The following CUL9 variants were observed in gnomAD, a reference collection of about 807,000 sequenced individuals.
CUL9 encodes the protein cullin-9.
In CUL9, 79 loss-of-function variants were observed where a neutral mutation model predicts 272.6. That is an observed-to-expected ratio of 0.29 (90% CI 0.24 to 0.35). CUL9 has a LOEUF of 0.35. Ranked by LOEUF, CUL9 falls within the 10% of genes least tolerant of loss-of-function variation. The probability of loss-of-function intolerance (pLI) is 1.00; values close to 1 mark genes in which losing one functional copy is unlikely to be tolerated. For synonymous variants in CUL9, 1,186 were observed against 1,286.5 expected (o/e 0.92, Z 1.67); for missense variants, 2,532 against 3,255.6 (o/e 0.78, Z 5.41).
chr6:43,209,056 G>A (rs564053426), intron 26 of CUL9, among the ~76,000 whole-genome samples: 1 of 151,510 alleles, frequency 6.6e-6, no homozygotes, highest in Admixed American at 6.6e-5. Context: ...GGCTGTTCTC[G>A]AACTCCTGCC....
intron 24 of CUL9, 36 bp downstream of exon 24, chr6:43,205,459 C>T: frequency 3.1e-6 from 5 of 1,599,658 alleles, no homozygotes; most frequent in Non-Finnish European, 4.3e-6. Context: ...GGATGGGAGG[C>T]CTAGATCTAG....
chr6:43,208,141 T>G (rs1367527516), intron 26 of CUL9, among the ~76,000 whole-genome samples: 2 of 152,240 alleles, frequency 1.3e-5, no homozygotes, highest in Non-Finnish European at 2.9e-5. Flanking sequence ...GGCAATTAAG[T>G]ACTTGGAATG....
At chr6:43,212,357 A>G (rs1775579917) in intron 26 of CUL9, among the ~76,000 whole-genome samples, 1 of 152,180 alleles carries the variant, frequency 6.6e-6, no homozygotes, top group South Asian at 2.1e-4. Flanking sequence ...GCTTAGGTCT[A>G]TCATTTCATT....
chr6:43,204,733 CCT>C lies in CUL9; in HGVS notation c.4340-12_4340-11del, dbSNP rs781297528. ...GCTGAGATGAAACCCCTTCCTTCTC[CCT>C]CTGTCTCTACAGTCAGCAAGAACAG... On this transcript the variant is annotated splice_polypyrimidine_tract_variant and intron_variant, in intron 21 of 40. Coordinates refer to ENST00000252050, the MANE Select transcript of CUL9 (RefSeq NM_015089.4). The C allele has an allele frequency of 1.2e-6, 2 of 1,613,348 alleles. No individual in the cohort carries two copies. The highest frequency in any genetic ancestry group is 1.7e-6 in the Non-Finnish European group (2 of 1,179,556).
intron 26 of CUL9, among the ~76,000 whole-genome samples, chr6:43,208,869 G>A (rs911775176): frequency 4.6e-5 from 7 of 152,014 alleles, no homozygotes; most frequent in African/African-American, 1.7e-4. Flanking sequence ...GAGAGGGGGT[G>A]TCACTCTGTC....
Position 43,188,559 on chromosome 6 carries a change from G to C in CUL9, c.2024G>C (p.Ser675Thr). ...GCCTTGCGGGGTCCCGGTCCTCGCA[G>C]CTCCCTGGATCAGCATGTGGCAGCG... ...ARALRGPGPR[S>T]SLDQHVAAVV... Residue 675 changes from serine to threonine, a missense_variant, in exon 8 of 41, where the codon AGC becomes ACC. By Grantham distance (58) the Ser-to-Thr change is moderately conservative (BLOSUM62 1). Around this residue, in one of 3 missense-constraint regions of CUL9, gnomAD observed 2,218 missense variants for 2,788.6 expected, o/e 0.80. Coordinates refer to ENST00000252050, the MANE Select transcript of CUL9 (RefSeq NM_015089.4). 1 of 1,613,442 alleles carries C rather than the reference G, an allele frequency of 6.2e-7. No homozygotes were observed. The highest frequency in any genetic ancestry group is 8.5e-7 in the Non-Finnish European group (1 of 1,179,734).
At chr6:43,208,272 G>T (rs1033422419) in intron 26 of CUL9, among the ~76,000 whole-genome samples, 2 of 152,146 alleles carry the variant, frequency 1.3e-5, no homozygotes, top group Admixed American at 1.3e-4. Context: ...CTTGATCTTG[G>T]CTCACTGCAA....
chr6:43,187,527 T>C (rs1773038188), intron 6 of CUL9, 88 bp downstream of exon 6: 2 of 1,427,400 alleles, frequency 1.4e-6, no homozygotes, highest in Non-Finnish European at 1.9e-6. Context: ...GGTTACCGCT[T>C]AGGGGGAGGC....
chr6:43,213,480 C>T lies in CUL9; in HGVS notation c.5401C>T (p.Pro1801Ser), dbSNP rs536516807. 8.7e-6 allele frequency: 14 copies of T among 1,614,046 alleles called. No individual in the cohort carries two copies. Among genetic ancestry groups the T allele is most frequent in the Admixed American group, 1.7e-5 (1 of 59,998 alleles). ...CTTGCTGAAGGATTCTGACCTCTCCCCAGAGCTGCTGCTCCAGGCACTCGT... is the reference window on the plus strand; with the variant it reads ...CTTGCTGAAGGATTCTGACCTCTCCTCAGAGCTGCTGCTCCAGGCACTCGT... The part of the protein sequence containing the change: ...ETLLKDSDLS[P>S]ELLLQALVPL... Residue 1801 changes from proline to serine, a missense_variant, in exon 28 of 41, where the codon CCA (proline) becomes TCA (serine). Transcript: ENST00000252050. The surrounding 1 kb of genome is among the most constrained non-coding windows in gnomAD (Gnocchi z 5.7).
chr6:43,220,968 T>C lies in CUL9; in HGVS notation c.6588+57T>C. On this transcript the variant is annotated intron_variant, in intron 33 of 40. Coordinates refer to ENST00000252050, the MANE Select transcript of CUL9 (RefSeq NM_015089.4). This position sits in a 1 kb window ranked among gnomAD's most constrained non-coding sequence, Gnocchi z 4.9. The stretch of plus-strand genomic sequence containing the variant: ...CAAGGATTCACACTCCTTCCCTGCT[T>C]AATATCCCCACCCCGCCACACACAC... 1 of 1,514,576 alleles carries C rather than the reference T, an allele frequency of 6.6e-7. No individual in the cohort carries two copies. 93.8% of individuals were successfully genotyped at this position (1,514,576 alleles called of 1,614,324 possible).
chr6:43,222,022 C>T, intron 35 of CUL9: 2 of 592,994 alleles, frequency 3.4e-6, no homozygotes, highest in Non-Finnish European at 6.0e-6. Context: ...CTGGGGAGGG[C>T]TGGGCACTCT....
chr6:43,203,835 A>G lies in CUL9; in HGVS notation c.4026-19A>G, dbSNP rs747726549. 46 of 1,596,958 alleles carry G rather than the reference A, an allele frequency of 2.9e-5. No homozygotes were observed. Among genetic ancestry groups the G allele is most frequent in the Non-Finnish European group, 3.6e-5 (42 of 1,169,442 alleles). ...AAATCGGTGCCATTAATCCTCCGCC[A>G]TGCACTGTTTGTTCCCAGACTGAAC... is the stretch of plus-strand genomic sequence containing the variant. On this transcript the variant is annotated intron_variant, in intron 19 of 40. Coordinates refer to ENST00000252050, the MANE Select transcript of CUL9 (RefSeq NM_015089.4). The surrounding 1 kb of genome is among the most constrained non-coding windows in gnomAD (Gnocchi z 5.0).
At chr6:43,209,263 A>T (rs1302552498) in intron 26 of CUL9, among the ~76,000 whole-genome samples, 1 of 150,106 alleles carries the variant, frequency 6.7e-6, no homozygotes, top group Non-Finnish European at 1.5e-5. Flanking sequence ...CTCCCGCCTC[A>T]GTCTCCCAAG....
In CUL9 at chr6:43,186,587, G is replaced by T. The variant is rs78278160; in HGVS notation, c.1251+132G>T. 3,740 of 1,327,660 alleles carry T rather than the reference G, an allele frequency of 2.8e-3. 65 individuals carry two copies. The African/African-American group carries it at 0.044, about 16-fold the overall frequency. 82.2% of individuals were successfully genotyped at this position (1,327,660 alleles called of 1,614,324 possible). ...TGGGGAATTGGAATGATACAAGGGG[G>T]TTGGCATTTGTGCGGGGTGCATTTG... On this transcript the variant is annotated intron_variant, in intron 4 of 40. Transcript: ENST00000252050.
chr6:43,198,486 T>A, intron 11 of CUL9, 123 bp from the exon 12 acceptor site: 1 of 1,512,198 alleles, frequency 6.6e-7, no homozygotes, highest in East Asian at 2.3e-5. Context: ...GGTTAAAAAC[T>A]ATAGACATCC....
chr6:43,189,703 C>G (rs931379816), intron 8 of CUL9, among the ~76,000 whole-genome samples: 2 of 152,060 alleles, frequency 1.3e-5, no homozygotes, highest in African/African-American at 4.8e-5. Flanking sequence ...ACCACCAGGC[C>G]CAGCTAATTT....
chr6:43,187,963 C>A lies in CUL9; in HGVS notation c.1832C>A (p.Ser611Tyr). Residue 611 changes from serine (S) to tyrosine (Y), a missense_variant, in exon 7 of 41, where the codon TCC (serine) becomes TAC (tyrosine). Coordinates refer to ENST00000252050, the MANE Select transcript of CUL9 (RefSeq NM_015089.4). The stretch of plus-strand genomic sequence containing the variant: ...AGCTTCTCAGAGGAAGAGACTGAGT[C>A]CCTCAAAGCAAAGGCCGAGGCCCCT... The part of the protein sequence containing the change: ...EASFSEEETE[S>Y]LKAKAEAPKT... 1 of 1,614,016 alleles carries A rather than the reference C, an allele frequency of 6.2e-7. No homozygotes were observed. Among genetic ancestry groups the A allele is most frequent in the South Asian group, 1.1e-5 (1 of 91,072 alleles).
At chr6:43,183,630 A>G (rs565759797) in intron 1 of CUL9, among the ~76,000 whole-genome samples, 1 of 152,292 alleles carries the variant, frequency 6.6e-6, no homozygotes, top group Admixed American at 6.5e-5. Flanking sequence ...TGTCTTGCTT[A>G]ACTGTCACTC....
intron 26 of CUL9, among the ~76,000 whole-genome samples, chr6:43,207,739 T>C (rs1775161278): frequency 6.6e-6 from 1 of 152,230 alleles, no homozygotes; most frequent in Non-Finnish European, 1.5e-5. Flanking sequence ...GAGCATGGTT[T>C]CTATGATTCT....
Sources: gnomAD v4.1 joint callset for allele counts (sites outside exome capture counted in the v4.1 genomes callset) on GRCh38, gnomAD v4.1.1 for gene constraint, gnomAD v4.1.1 regional missense constraint, Gnocchi (gnomAD v3.1) non-coding constraint, MANE v1.5 for transcripts, NCBI Gene and HGNC (gene_info 2026-07-23, HGNC 2026-07-21) for gene names.